The following NUP50 variants were observed in gnomAD, a reference collection of about 807,000 sequenced individuals.
NUP50 encodes nucleoporin 50.
A neutral mutation model predicts 36.8 loss-of-function variants in NUP50; 14 were observed. The ratio of observed to expected loss-of-function variants is 0.38; its 90% CI spans 0.25 to 0.59. The LOEUF is 0.59. Among genes scored for constraint, NUP50 ranks in the 20% least tolerant of loss-of-function variants. The pLI, the probability that NUP50 is intolerant of heterozygous loss-of-function variation, is 0.63. For synonymous variants in NUP50, 195 were observed against 210.8 expected, an observed-to-expected ratio of 0.93 and a Z score of 0.65; for missense variants, 455 against 564.6, an observed-to-expected ratio of 0.81 and a Z score of 1.97.
At position 45,178,628 on chromosome 22, in the gene NUP50, A is replaced by G. The variant is rs772658416; in HGVS notation, c.731A>G (p.Glu244Gly). The change falls in exon 5 of 8, where the codon GAA (glutamate) becomes GGA (glycine). Residue 244 changes from glutamate to glycine, a missense_variant. Coordinates refer to ENST00000347635, the MANE Select transcript of NUP50 (RefSeq NM_007172.4). The part of the protein sequence containing the change: ...STFLFHGNKT[E>G]DTPDKKMEVA... ...TTTTTGTTTCATGGCAACAAAACTG[A>G]AGATACACCTGACAAGAAGATGGAG... The G allele has an allele frequency of 3.1e-6, 5 of 1,612,056 alleles. No homozygotes were observed. The East Asian group carries it at 1.1e-4, about 36-fold the overall frequency.
Position 45,187,161 on chromosome 22 carries a change from G to A in NUP50, c.*2506G>A, listed in dbSNP as rs1340239225. On this transcript the variant is annotated 3_prime_UTR_variant, in exon 8 of 8. Transcript: ENST00000347635. ...ATCTGGACAAATACTAAATATCCCA[G>A]TGGCCTTTTTTTTTTTTTTTTTAAA... is the stretch of plus-strand genomic sequence containing the variant. 1 of 131,690 alleles carries A rather than the reference G, an allele frequency of 7.6e-6. No individual in the cohort carries two copies. Among genetic ancestry groups the A allele is most frequent in the Non-Finnish European group, 1.6e-5 (1 of 63,622 alleles). 8.2% of individuals were successfully genotyped at this position (131,690 alleles called of 1,614,324 possible). A position where few individuals can be genotyped will look rare whatever the true frequency, so the allele number is the denominator to read the frequency against.
rs2074459665 is a variant in NUP50 at position 45,185,710 on chromosome 22, GAGTA to G, written c.*1058_*1061del. On this transcript the variant is annotated 3_prime_UTR_variant, in exon 8 of 8. Coordinates refer to ENST00000347635, the MANE Select transcript of NUP50 (RefSeq NM_007172.4). ...ATCTGAAATATCTTTACTTTTTTAA[GAGTA>G]AGATTCCATATGTCTGTCTGGAAGG... 6.6e-6 allele frequency: 1 copy of G among 152,150 alleles called. No homozygotes were observed. The highest frequency in any genetic ancestry group is 1.5e-5 in the Non-Finnish European group (1 of 68,024). The allele number at this position is 152,150 out of a possible 1,614,324, so 9.4% of individuals were successfully genotyped here.
intron 1 of NUP50, chr22:45,165,859 C>T (rs867158516): frequency 1.3e-5 from 2 of 152,224 alleles, no homozygotes; most frequent in South Asian, 2.1e-4. Flanking sequence ...ACTTCCTGTT[C>T]CACAGATGAA....
At chr22:45,174,584 A>G (rs970510552) in intron 3 of NUP50, among the ~76,000 whole-genome samples, 5 of 152,166 alleles carry the variant, frequency 3.3e-5, no homozygotes, top group Admixed American at 6.5e-5. Context: ...CCAATTTACT[A>G]TCAGCAATTT....
intron 6 of NUP50, among the ~76,000 whole-genome samples, chr22:45,182,921 T>C (rs1397329869): frequency 2.0e-5 from 3 of 151,344 alleles, no homozygotes; most frequent in Non-Finnish European, 2.9e-5. Flanking sequence ...CCGCACCTGG[T>C]CGAGGAGAAT....
At chr22:45,169,397 C>T (rs2074148443) in intron 2 of NUP50, among the ~76,000 whole-genome samples, 1 of 152,046 alleles carries the variant, frequency 6.6e-6, no homozygotes. Flanking sequence ...CACAGCTGTA[C>T]TTATAGGATG....
At chr22:45,171,462 G>T in intron 2 of NUP50, 138 bp from the exon 3 acceptor site, 1 of 776,818 alleles carries the variant, frequency 1.3e-6, no homozygotes, top group South Asian at 1.7e-5. Flanking sequence ...TATTATAGGC[G>T]CAAGCCATTG....
chr22:45,166,640 A>C (rs529260694), intron 1 of NUP50, among the ~76,000 whole-genome samples: 3 of 150,866 alleles, frequency 2.0e-5, no homozygotes, highest in South Asian at 2.1e-4. Context: ...TACTTCTCCA[A>C]CCCTCTGGTG....
intron 4 of NUP50, among the ~76,000 whole-genome samples, chr22:45,176,525 G>A (rs1304302513): frequency 6.6e-6 from 1 of 152,206 alleles, no homozygotes; most frequent in Non-Finnish European, 1.5e-5. Flanking sequence ...GTTTGTTTGG[G>A]TATGGGATGT....
intron 6 of NUP50, among the ~76,000 whole-genome samples, chr22:45,181,723 G>A (rs2074376878): frequency 6.6e-6 from 1 of 152,046 alleles, no homozygotes; most frequent in African/African-American, 2.4e-5. Flanking sequence ...AAATCGCAGA[G>A]TCAGTCAGTG....
At position 45,181,305 on chromosome 22, in the gene NUP50, T is replaced by C. The variant is rs778849123; in HGVS notation, c.1023T>C (p.Asn341=). 5.6e-6 allele frequency: 9 copies of C among 1,595,894 alleles called. No individual in the cohort carries two copies. The highest frequency in any genetic ancestry group is 6.8e-6 in the Non-Finnish European group (8 of 1,175,064). The change falls in exon 6 of 8, where the codon AAT becomes AAC. Residue 341 remains asparagine (N), a synonymous_variant. Coordinates refer to ENST00000347635, the MANE Select transcript of NUP50 (RefSeq NM_007172.4). ...GECKGGDEEE[N]DEPPKVVVTE... ...TAAAAGGTGGAGATGAAGAAGAGAA[T>C]GATGAGCCACCCAAAGTAGTAGTTA...
At chr22:45,175,719 T>C (rs2074265849) in intron 3 of NUP50, 175 bp from the exon 4 acceptor site, 6 of 558,028 alleles carry the variant, frequency 1.1e-5, no homozygotes, top group South Asian at 7.7e-5. Flanking sequence ...GCTGTTCTTA[T>C]GAATACAATC....
Position 45,171,676 on chromosome 22 carries a change from G to A in NUP50, c.146G>A (p.Gly49Glu). The A allele has an allele frequency of 6.2e-7, 1 of 1,613,872 alleles. No homozygotes were observed. The highest frequency in any genetic ancestry group is 8.5e-7 in the Non-Finnish European group (1 of 1,179,760). The change falls in exon 3 of 8, where the codon GGA becomes GAA. Residue 49 changes from glycine to glutamate, a missense_variant. By Grantham distance (98) the Gly-to-Glu change is moderately conservative. Coordinates refer to ENST00000347635, the MANE Select transcript of NUP50 (RefSeq NM_007172.4). ...AAGAAAGCAAAGCGCAGAAATGTTG[G>A]ATTTGAAGTGAGTGCCCCCTTACAG... The part of the protein sequence containing the change: ...AIKKAKRRNV[G>E]FESDTGGAFK...
In NUP50 at chr22:45,184,560, A is replaced by T; in HGVS notation, c.1312A>T (p.Asn438Tyr). Residue 438 changes from asparagine (N) to tyrosine (Y), a missense_variant, in exon 8 of 8, where the codon AAT becomes TAT. By Grantham distance (143) the Asn-to-Tyr change is moderately radical. This residue lies in a region of NUP50 where 287 missense variants were observed against 345.5 expected (regional missense o/e 0.83). Coordinates refer to ENST00000347635, the MANE Select transcript of NUP50 (RefSeq NM_007172.4). Reference sequence around the variant, plus strand: ...TCCAAATCCACCAATTGACGAGAAGAATGCCACCATGCCAGTCACCATGTT... The same window carrying T: ...TCCAAATCCACCAATTGACGAGAAGTATGCCACCATGCCAGTCACCATGTT... ...CVPNPPIDEK[N>Y]ATMPVTMLIR... 1 of 1,612,900 alleles carries T rather than the reference A, an allele frequency of 6.2e-7. No individual in the cohort carries two copies. The highest frequency in any genetic ancestry group is 8.5e-7 in the Non-Finnish European group (1 of 1,178,850).
At chr22:45,181,083 ATTC>A (rs1356981882) in intron 5 of NUP50, among the ~76,000 whole-genome samples, 200 bp from the exon 6 acceptor site, 3 of 147,100 alleles carry the variant, frequency 2.0e-5, no homozygotes, top group Admixed American at 6.8e-5. Context: ...ATTAAAAGGG[ATTC>A]TTATTTTTCA....
intron 7 of NUP50, chr22:45,184,237 G>A (rs1601793527): frequency 1.7e-6 from 1 of 572,358 alleles, no homozygotes; most frequent in Non-Finnish European, 3.1e-6. Context: ...GACCCGGGCT[G>A]GAGGGAGGAC....
rs758498250 is a variant in NUP50, at chr22:45,186,974, T to C, written c.*2319T>C. 6.6e-6 allele frequency: 1 copy of C among 152,234 alleles called. No individual in the cohort carries two copies. The highest frequency in any genetic ancestry group is 1.9e-4 in the East Asian group (1 of 5,204). The allele number at this position is 152,234 out of a possible 1,614,324, so 9.4% of individuals were successfully genotyped here. A position where few individuals can be genotyped will look rare whatever the true frequency, so the allele number is the denominator to read the frequency against. On this transcript the variant is annotated 3_prime_UTR_variant, in exon 8 of 8. Coordinates refer to ENST00000347635, the MANE Select transcript of NUP50 (RefSeq NM_007172.4). Reference sequence around the variant, plus strand: ...ACTATGTTAACAGGTAATTCTGATTTATGCGTTTAGTTTGACTTATTTTTA... The same window carrying C: ...ACTATGTTAACAGGTAATTCTGATTCATGCGTTTAGTTTGACTTATTTTTA...
chr22:45,184,673 C>T lies in NUP50; in HGVS notation c.*18C>T. 2 of 1,594,554 alleles carry T rather than the reference C, an allele frequency of 1.3e-6. No homozygotes were observed. The highest frequency in any genetic ancestry group is 1.7e-6 in the Non-Finnish European group (2 of 1,169,736). The stretch of plus-strand genomic sequence containing the variant: ...ATGCCTGAACACGCAAAGTCGGCTG[C>T]AGAATTATTGCCAAGTTGCTGCTGC... On this transcript the variant is annotated 3_prime_UTR_variant, in exon 8 of 8. Coordinates refer to ENST00000347635, the MANE Select transcript of NUP50 (RefSeq NM_007172.4).
rs200329756 is a variant in NUP50, at chr22:45,168,223, G to A, written c.46G>A (p.Asp16Asn). The change falls in exon 2 of 8, where the codon GAT becomes AAT. Residue 16 changes from aspartate to asparagine, a missense_variant. Asp to Asn is a conservative substitution (Grantham distance 23, BLOSUM62 1). Coordinates refer to ENST00000347635, the MANE Select transcript of NUP50 (RefSeq NM_007172.4). ...GAAGGAACTGACAGATAGGAATTGGGATCAAGAAGATGAAGCTGAAGAGGT... is the reference window on the plus strand; with the variant it reads ...GAAGGAACTGACAGATAGGAATTGGAATCAAGAAGATGAAGCTGAAGAGGT... ...AEKELTDRNW[D>N]QEDEAEEVGT... 3.7e-4 allele frequency: 593 copies of A among 1,611,596 alleles called. 2 individuals carry two copies. In the Middle Eastern group the frequency reaches 6.9e-3, roughly 19 times the overall value.
Sources: allele counts gnomAD v4.1 joint callset (sites outside exome capture counted in the v4.1 genomes callset), GRCh38; gene constraint gnomAD v4.1.1; regional missense constraint gnomAD v4.1.1; transcripts MANE v1.5; gene names NCBI Gene and HGNC (gene_info 2026-07-23, HGNC 2026-07-21).